The following USP38 variants were observed in gnomAD, a reference collection of about 807,000 sequenced individuals.
USP38 encodes the protein ubiquitin carboxyl-terminal hydrolase 38.
USP38 carries 49 observed loss-of-function variants against 94.3 expected under a neutral mutation model. The ratio of observed to expected loss-of-function variants is 0.52; its 90% CI spans 0.41 to 0.66. USP38 has a LOEUF of 0.66. USP38 is among the 30% of genes least tolerant of loss of function. USP38 has a pLI of 0.00. For missense variants in USP38, 1,128 were observed against 1,229.4 expected, an observed-to-expected ratio of 0.92 and a Z score of 1.23; for synonymous variants, 468 against 463.6, an observed-to-expected ratio of 1.01 and a Z score of -0.12.
intron 4 of USP38, among the ~76,000 whole-genome samples, chr4:143,200,046 T>C (rs1461671967): frequency 6.6e-6 from 1 of 152,206 alleles, no homozygotes; most frequent in African/African-American, 2.4e-5. Context: ...ATGAAATCTT[T>C]GTGTCCAGGA....
chr4:143,190,193 A>G (rs1731355124), intron 2 of USP38, among the ~76,000 whole-genome samples: 1 of 152,114 alleles, frequency 6.6e-6, no homozygotes, highest in Non-Finnish European at 1.5e-5. Flanking sequence ...ACATTCAGAG[A>G]ATTACAGATT....
In USP38 at chr4:143,222,723, G is replaced by A. The variant is rs1383870994; in HGVS notation, c.*2267G>A. 1.3e-5 allele frequency: 2 copies of A among 152,024 alleles called. No homozygotes were observed. Among genetic ancestry groups the A allele is most frequent in the African/African-American group, 4.8e-5 (2 of 41,406 alleles). 9.4% of individuals were successfully genotyped at this position (152,024 alleles called of 1,614,324 possible). A position where few individuals can be genotyped will look rare whatever the true frequency, so the allele number is the denominator to read the frequency against. ...TGATTTGTTGAATTCAACATATTTG[G>A]AACCAGAATAATCAGAAACTTCATT... On this transcript the variant is annotated 3_prime_UTR_variant, in exon 10 of 10. Transcript: ENST00000307017.
intron 2 of USP38, among the ~76,000 whole-genome samples, chr4:143,191,140 C>A (rs1238568246): frequency 6.6e-6 from 1 of 152,118 alleles, no homozygotes; most frequent in Admixed American, 6.5e-5. Flanking sequence ...TTACCATCCA[C>A]CTCCCACTTT....
Position 143,214,129 on chromosome 4 carries a change from TA to T in USP38, c.2155del (p.Thr719LeufsTer4). The T allele has an allele frequency of 6.2e-7, 1 of 1,612,956 alleles. No homozygotes were observed. The highest frequency in any genetic ancestry group is 8.5e-7 in the Non-Finnish European group (1 of 1,179,632). ...CCAGGAGGTGAAACCACACCTTCAG[TA>T]ACTGACTTACTAAATTATTTTTTGG... ...QKPGGETTPS[V>X]TDLLNYFLAP... is the part of the protein sequence containing the mutation. On this transcript the variant is annotated frameshift_variant, in exon 9 of 10. Coordinates refer to ENST00000307017, the MANE Select transcript of USP38 (RefSeq NM_032557.6). LOFTEE classifies it high-confidence loss of function.
chr4:143,215,861 C>T (rs1732170919), intron 9 of USP38, among the ~76,000 whole-genome samples: 1 of 151,986 alleles, frequency 6.6e-6, no homozygotes, highest in Admixed American at 6.6e-5. Flanking sequence ...TAGCGATGTT[C>T]TTGAGTGACA....
intron 5 of USP38, chr4:143,204,674 G>A (rs567003742): frequency 1.1e-4 from 31 of 285,182 alleles, no homozygotes; most frequent in South Asian, 9.1e-4. Flanking sequence ...GAGCCACTGT[G>A]CCTAGCCTAA....
rs1035064835 is a variant in USP38 at position 143,185,657 on chromosome 4, A to G, written c.207A>G (p.Ala69=). The G allele has an allele frequency of 1.2e-6, 2 of 1,614,078 alleles. No homozygotes were observed. The highest frequency in any genetic ancestry group is 1.7e-6 in the Non-Finnish European group (2 of 1,180,002). ...QVGHQVLEAY[A]RYHRPEFESF... is the part of the protein sequence containing the mutation. ...GGCACCAGGTGCTGGAGGCCTACGC[A>G]CGATACCACCGGCCAGAGTTCGAGT... Residue 69 remains alanine (A), a synonymous_variant, in exon 1 of 10, where the codon GCA becomes GCG. Transcript: ENST00000307017.
At position 143,206,056 on chromosome 4, in the gene USP38, G is replaced by T. The variant is rs764934956; in HGVS notation, c.1233G>T (p.Glu411Asp). 6.2e-7 allele frequency: 1 copy of T among 1,608,576 alleles called. No individual in the cohort carries two copies. Among genetic ancestry groups the T allele is most frequent in the Non-Finnish European group, 8.5e-7 (1 of 1,177,828 alleles). The change falls in exon 6 of 10, where the codon GAG becomes GAT. Residue 411 changes from glutamate (E) to aspartate (D), a missense_variant. Coordinates refer to ENST00000307017, the MANE Select transcript of USP38 (RefSeq NM_032557.6). ...AIKDFPKPSE[E>D]KIKLILNQSA... ...AGGATTTTCCTAAGCCCAGTGAAGAGAAGATTAAGTTAATTCTCAATCAAA... is the reference window on the plus strand; with the variant it reads ...AGGATTTTCCTAAGCCCAGTGAAGATAAGATTAAGTTAATTCTCAATCAAA...
chr4:143,197,025 C>G (rs1371552771), intron 3 of USP38, among the ~76,000 whole-genome samples: 1 of 152,194 alleles, frequency 6.6e-6, no homozygotes, highest in Non-Finnish European at 1.5e-5. Context: ...TGCTCCTGTC[C>G]TTGGTCCCCT....
At chr4:143,196,164 G>A (rs549238791) in intron 3 of USP38, among the ~76,000 whole-genome samples, 89 of 152,172 alleles carry the variant, frequency 5.8e-4, no homozygotes, top group South Asian at 1.2e-3. Flanking sequence ...AAATTAGGTT[G>A]GCATAATGGT....
In USP38 at chr4:143,223,554, T is replaced by G. The variant is rs1451410667; in HGVS notation, c.*3098T>G. The G allele has an allele frequency of 1.3e-5, 2 of 152,148 alleles. No homozygotes were observed. Among genetic ancestry groups the G allele is most frequent in the African/African-American group, 4.8e-5 (2 of 41,452 alleles). The allele number at this position is 152,148 out of a possible 1,614,324, so 9.4% of individuals were successfully genotyped here. On this transcript the variant is annotated 3_prime_UTR_variant, in exon 10 of 10. Coordinates refer to ENST00000307017, the MANE Select transcript of USP38 (RefSeq NM_032557.6). ...TGTCTTCTTTTCACATACACCTCTTTAAAGCTATCATCTTATAATAAGTGG... is the reference window on the plus strand; with the variant it reads ...TGTCTTCTTTTCACATACACCTCTTGAAAGCTATCATCTTATAATAAGTGG...
Position 143,221,791 on chromosome 4 carries a change from T to A in USP38, c.*1335T>A, listed in dbSNP as rs1732330348. On this transcript the variant is annotated 3_prime_UTR_variant, in exon 10 of 10. Transcript: ENST00000307017. ...ACTTTAAGGAAACAATGTTCTTCGA[T>A]GATTTGGGGTTTATCTTTTTCCCAA... 1 of 152,112 alleles carries A rather than the reference T, an allele frequency of 6.6e-6. No homozygotes were observed. Among genetic ancestry groups the A allele is most frequent in the Non-Finnish European group, 1.5e-5 (1 of 67,968 alleles). 9.4% of individuals were successfully genotyped at this position (152,112 alleles called of 1,614,324 possible).
intron 2 of USP38, among the ~76,000 whole-genome samples, chr4:143,194,833 A>G (rs1159959496): frequency 6.6e-6 from 1 of 151,626 alleles, no homozygotes; most frequent in Non-Finnish European, 1.5e-5. Flanking sequence ...AAAGAGTTGT[A>G]TCAATCTTCA....
Position 143,185,463 on chromosome 4 carries a change from C to G in USP38, c.13C>G (p.Leu5Val), listed in dbSNP as rs752967322. 82 of 1,592,722 alleles carry G rather than the reference C, an allele frequency of 5.1e-5. No individual in the cohort carries two copies. Among genetic ancestry groups the G allele is most frequent in the Non-Finnish European group, 6.9e-5 (81 of 1,168,430 alleles). The change falls in exon 1 of 10, where the codon CTG (leucine) becomes GTG (valine). Residue 5 changes from leucine (L) to valine (V), a missense_variant. By Grantham distance (32) the Leu-to-Val change is conservative (BLOSUM62 1). Transcript: ENST00000307017. MDKI[L>V]EGLVSSSHPL... ...CAGCGTGGCGACAATGGACAAGATC[C>G]TGGAGGGCCTTGTGAGTTCCTCGCA...
In USP38 at chr4:143,194,630, C is replaced by T. The variant is rs529168041; in HGVS notation, c.819-1086C>T. ...TCAAGCCATTCTCCTGCCTCAGCCT[C>T]CCGAGTAGCTGGGATTACAGGCACG... On this transcript the variant is annotated intron_variant, in intron 2 of 9. Coordinates refer to ENST00000307017, the MANE Select transcript of USP38 (RefSeq NM_032557.6). 6.6e-5 allele frequency among the ~76,000 whole-genome samples: 10 copies of T among 152,298 alleles called. No individual in the cohort carries two copies. In the South Asian group the frequency reaches 2.1e-3, roughly 32 times the overall value.
intron 9 of USP38, chr4:143,215,231 T>C: frequency 2.7e-6 from 1 of 369,242 alleles, no homozygotes; most frequent in East Asian, 5.5e-5. Context: ...TTTACAAAAG[T>C]GGACATATCC....
At chr4:143,209,496 A>C in intron 6 of USP38, 68 bp from the exon 7 acceptor site, 1 of 1,022,280 alleles carries the variant, frequency 9.8e-7, no homozygotes. Flanking sequence ...TCTCAAAAAA[A>C]AAAAAAGCTT....
At chr4:143,196,197 T>C (rs1731543274) in intron 3 of USP38, among the ~76,000 whole-genome samples, 1 of 152,050 alleles carries the variant, frequency 6.6e-6, no homozygotes, top group Non-Finnish European at 1.5e-5. Flanking sequence ...TCCCAGCTGC[T>C]CAGGAGGCTG....
chr4:143,197,973 A>C (rs767081429), intron 4 of USP38, 49 bp downstream of exon 4: 1 of 1,368,590 alleles, frequency 7.3e-7, no homozygotes, highest in Non-Finnish European at 1.0e-6. Flanking sequence ...CAATTTGAAA[A>C]TTTAGTTTAA....
Sources: allele counts gnomAD v4.1 joint callset (sites outside exome capture counted in the v4.1 genomes callset), GRCh38; gene constraint gnomAD v4.1.1; transcripts MANE v1.5; gene names NCBI Gene and HGNC (gene_info 2026-07-23, HGNC 2026-07-21).